Variants in ATXN1 observed in about 807,000 individuals in gnomAD.
ATXN1 encodes the protein ataxin 1.
In ATXN1, 8 loss-of-function variants were observed where a neutral mutation model predicts 56.4. That is an observed-to-expected ratio of 0.14 (90% CI 0.08 to 0.26). The LOEUF (loss-of-function observed/expected upper bound fraction) is 0.26, where lower values mean the gene tolerates loss of function less well. ATXN1 is among the 10% of genes least tolerant of loss of function. The pLI is 1.00. For missense variants in ATXN1, 987 were observed against 1,106.5 expected (o/e 0.89, Z 1.53); for synonymous variants, 514 against 494.6 (o/e 1.04, Z -0.52).
At chr6:16,686,384 C>T (rs966849751) in intron 2 of ATXN1, among the ~76,000 whole-genome samples, 2 of 152,138 alleles carry the variant, frequency 1.3e-5, no homozygotes, top group African/African-American at 2.4e-5. Context: ...ATTATCTTAA[C>T]AACACTGTCC....
Position 16,301,587 on chromosome 6 carries a change from G to C in ATXN1, c.*4742C>G, listed in dbSNP as rs1009986822. Reference sequence around the variant, plus strand: ...CAAATGTGGAAGCAAAGGCCTCCACGCCACTTAAAAAAAAAAAAAGTGTAA... The same window carrying C: ...CAAATGTGGAAGCAAAGGCCTCCACCCCACTTAAAAAAAAAAAAAGTGTAA... On this transcript the variant is annotated 3_prime_UTR_variant, in exon 8 of 8. Transcript: ENST00000436367. The C allele has an allele frequency of 6.6e-6, 1 of 151,762 alleles. No homozygotes were observed. Among genetic ancestry groups the C allele is most frequent in the South Asian group, 2.1e-4 (1 of 4,798 alleles). 9.4% of individuals were successfully genotyped at this position (151,762 alleles called of 1,614,324 possible). A position where few individuals can be genotyped will look rare whatever the true frequency, so the allele number is the denominator to read the frequency against.
chr6:16,381,199 A>G (rs1473043993), intron 6 of ATXN1, among the ~76,000 whole-genome samples: 5 of 152,142 alleles, frequency 3.3e-5, no homozygotes, highest in Non-Finnish European at 7.4e-5. Context: ...AGGGAGGAGA[A>G]TCTCTTGAAC....
In ATXN1 at chr6:16,305,132, A is replaced by T. The variant is rs1760210840; in HGVS notation, c.*1197T>A. On this transcript the variant is annotated 3_prime_UTR_variant, in exon 8 of 8. Coordinates refer to ENST00000436367, the MANE Select transcript of ATXN1 (RefSeq NM_001128164.2). ...TTTTTTGTTTTTGTTTTTTCCCCAA[A>T]GAGTTTAAAGTGAGATACAGTACTT... The T allele has an allele frequency of 6.6e-6, 1 of 152,658 alleles. No homozygotes were observed. Among genetic ancestry groups the T allele is most frequent in the Non-Finnish European group, 1.5e-5 (1 of 68,028 alleles). The allele number at this position is 152,658 out of a possible 1,614,324, so 9.5% of individuals were successfully genotyped here.
At chr6:16,703,824 A>G (rs1020444649) in intron 2 of ATXN1, among the ~76,000 whole-genome samples, 1 of 152,202 alleles carries the variant, frequency 6.6e-6, no homozygotes, top group Admixed American at 6.5e-5. Flanking sequence ...GTTCGAGACC[A>G]ATCTGGCCAA....
At chr6:16,374,900 G>A (rs562369962) in intron 6 of ATXN1, among the ~76,000 whole-genome samples, 1 of 152,306 alleles carries the variant, frequency 6.6e-6, no homozygotes, top group East Asian at 1.9e-4. Flanking sequence ...GCATTAACCC[G>A]AGCCCCTGAA....
intron 4 of ATXN1, among the ~76,000 whole-genome samples, chr6:16,573,490 TCC>T (rs1257529641): frequency 6.7e-6 from 1 of 148,752 alleles, no homozygotes; most frequent in African/African-American, 2.6e-5. Context: ...GACTCGCCTG[TCC>T]CCTGTTTCTC....
intron 6 of ATXN1, among the ~76,000 whole-genome samples, chr6:16,346,268 G>T (rs1003935250): frequency 1.3e-5 from 2 of 152,084 alleles, no homozygotes; most frequent in Admixed American, 6.6e-5. Context: ...TGGCCAGGCT[G>T]GTCTCAAACT....
intron 6 of ATXN1, among the ~76,000 whole-genome samples, chr6:16,418,059 G>C (rs1451565108): frequency 6.6e-6 from 1 of 152,162 alleles, no homozygotes; most frequent in Non-Finnish European, 1.5e-5. Context: ...TGATTAATGG[G>C]AGCATGGTCC....
intron 6 of ATXN1, among the ~76,000 whole-genome samples, chr6:16,370,764 T>C (rs1303421999): frequency 6.6e-6 from 1 of 152,248 alleles, no homozygotes; most frequent in East Asian, 1.9e-4. Context: ...CATTGTATTG[T>C]AACTAGAATT....
At position 16,472,364 on chromosome 6, in the gene ATXN1, T is replaced by G. The variant is rs571800585; in HGVS notation, c.-161+13608A>C. On this transcript the variant is annotated intron_variant, in intron 6 of 7. Transcript: ENST00000436367. The stretch of plus-strand genomic sequence containing the variant: ...GTATCTCTCCAGTCACCTATAAAGC[T>G]GAGCTCATCCCTTCTTCTGGCACTT... Among the ~76,000 whole-genome samples, 4 of 152,240 alleles carry G rather than the reference T, an allele frequency of 2.6e-5. No homozygotes were observed. The South Asian group carries it at 8.3e-4, about 32-fold the overall frequency.
chr6:16,542,757 A>G (rs941112449), intron 4 of ATXN1, among the ~76,000 whole-genome samples: 12 of 152,214 alleles, frequency 7.9e-5, no homozygotes. Flanking sequence ...ACCTTTATGT[A>G]TATCTACTAT....
chr6:16,521,715 A>G (rs1231326279), intron 5 of ATXN1, among the ~76,000 whole-genome samples: 1 of 152,208 alleles, frequency 6.6e-6, no homozygotes, highest in Non-Finnish European at 1.5e-5. Context: ...TGGACTGCAC[A>G]CACCTGCAGG....
chr6:16,366,187 G>C (rs929499987), intron 6 of ATXN1, among the ~76,000 whole-genome samples: 12 of 152,062 alleles, frequency 7.9e-5, no homozygotes, highest in Admixed American at 2.6e-4. Flanking sequence ...TGACAGGTCT[G>C]CTTGTTAAAA....
chr6:16,454,124 T>TTAAAAA, intron 6 of ATXN1, among the ~76,000 whole-genome samples: 1 of 34,592 alleles, frequency 2.9e-5, no homozygotes, highest in South Asian at 1.6e-3. Context: ...AGACTCTGTC[T>TTAAAAA]CAAAAAAAAA....
chr6:16,299,768 C>T lies in ATXN1; in HGVS notation c.*6561G>A, dbSNP rs1008312925. Reference sequence around the variant, plus strand: ...AATACTGACAGGACTATCTTGAAACCTCCTTTCGGCTGACACTAATTTGGG... The same window carrying T: ...AATACTGACAGGACTATCTTGAAACTTCCTTTCGGCTGACACTAATTTGGG... On this transcript the variant is annotated 3_prime_UTR_variant, in exon 8 of 8. Coordinates refer to ENST00000436367, the MANE Select transcript of ATXN1 (RefSeq NM_001128164.2). The T allele has an allele frequency of 1.3e-5, 2 of 152,768 alleles. No homozygotes were observed. Among genetic ancestry groups the T allele is most frequent in the East Asian group, 3.9e-4 (2 of 5,188 alleles). The allele number at this position is 152,768 out of a possible 1,614,324, so 9.5% of individuals were successfully genotyped here. A position where few individuals can be genotyped will look rare whatever the true frequency, so the allele number is the denominator to read the frequency against.
In ATXN1 at chr6:16,327,250, T is replaced by A. The variant is rs145160903; in HGVS notation, c.1061A>T (p.His354Leu). Residue 354 changes from histidine to leucine, a missense_variant, in exon 7 of 8, where the codon CAC (histidine) becomes CTC (leucine). Physicochemically the swap from His to Leu is moderately conservative, Grantham distance 99 (BLOSUM62 -3). Transcript: ENST00000436367. The part of the protein sequence containing the change: ...LGKAGGKSVP[H>L]PYESRHVVVH... ...CACCACGTGCCTGGACTCGTACGGGTGAGGAACCGACTTGCCGCCTGCCTT... is the reference window on the plus strand; with the variant it reads ...CACCACGTGCCTGGACTCGTACGGGAGAGGAACCGACTTGCCGCCTGCCTT... 4.3e-6 allele frequency: 7 copies of A among 1,612,984 alleles called. No individual in the cohort carries two copies. The Admixed American group carries it at 1.2e-4, about 27-fold the overall frequency.
At chr6:16,594,546 G>A (rs921374642) in intron 3 of ATXN1, among the ~76,000 whole-genome samples, 41 of 149,894 alleles carry the variant, frequency 2.7e-4, no homozygotes, top group East Asian at 1.4e-3. Flanking sequence ...GCAGTGGCAC[G>A]ATCTCGGCTC....
At chr6:16,697,558 T>C (rs1403544864) in intron 2 of ATXN1, among the ~76,000 whole-genome samples, 1 of 152,028 alleles carries the variant, frequency 6.6e-6, no homozygotes, top group Non-Finnish European at 1.5e-5. Flanking sequence ...TCTAAAGATC[T>C]TTTTTTTCCT....
chr6:16,569,538 A>AAC lies in ATXN1; in HGVS notation c.-361+16241_-361+16242insGT, dbSNP rs1762293175. Among the ~76,000 whole-genome samples the AAC allele has an allele frequency of 3.3e-5, 5 of 151,306 alleles. No homozygotes were observed. The South Asian group carries it at 1.1e-3, about 32-fold the overall frequency. Reference sequence around the variant, plus strand: ...TGAGACTCCGTCTCAGAAAAAAAAAAAAAAAAAACAGTTCCGATTGACTCA... The same window carrying AAC: ...TGAGACTCCGTCTCAGAAAAAAAAAAACAAAAAAAACAGTTCCGATTGACTCA... On this transcript the variant is annotated intron_variant, in intron 4 of 7. Transcript: ENST00000436367.
Sources: allele counts gnomAD v4.1 joint callset (sites outside exome capture counted in the v4.1 genomes callset), GRCh38; gene constraint gnomAD v4.1.1; transcripts MANE v1.5; gene names NCBI Gene and HGNC (gene_info 2026-07-23, HGNC 2026-07-21).